AKR1C8: variants seen among roughly 807,000 people sequenced by gnomAD.
AKR1C8 encodes aldo-keto reductase family 1 member C8, also known as aldo-keto reductase family 1 member C-like protein 1.
the AKR1C8 span, chr10:5,161,981 AC>A: frequency 0.29 from 153,532 of 528,572 alleles, 25,168 homozygotes; most frequent in Non-Finnish European, 0.36. Context: ...AGCTGCAGTG[AC>A]CAAAAGAAAC....
the AKR1C8 span, among the ~76,000 whole-genome samples, chr10:5,149,244 T>C: frequency 1.3e-5 from 2 of 152,112 alleles, no homozygotes; most frequent in African/African-American, 4.8e-5. Flanking sequence ...ACAGGTGTAC[T>C]ATAGTTTCTT....
At chr10:5,164,549 T>C in the AKR1C8 span, among the ~76,000 whole-genome samples, 1 of 152,102 alleles carries the variant, frequency 6.6e-6, no homozygotes, top group South Asian at 2.1e-4. Context: ...ACTCTTTACT[T>C]TCATTTCAGA....
the AKR1C8 span, among the ~76,000 whole-genome samples, chr10:5,141,405 G>C: frequency 6.6e-6 from 1 of 152,000 alleles, no homozygotes; most frequent in Non-Finnish European, 1.5e-5. Flanking sequence ...TATTCATGTT[G>C]ATATTTTGAC....
At chr10:5,142,382 A>G in the AKR1C8 span, among the ~76,000 whole-genome samples, 1 of 152,142 alleles carries the variant, frequency 6.6e-6, no homozygotes, top group Non-Finnish European at 1.5e-5. Flanking sequence ...AGTTTCCTTA[A>G]AGAACTTTTC....
At chr10:5,128,274 A>C in the AKR1C8 span, among the ~76,000 whole-genome samples, 1 of 152,186 alleles carries the variant, frequency 6.6e-6, no homozygotes, top group Non-Finnish European at 1.5e-5. Flanking sequence ...AAGGCATGCT[A>C]TAAGGAGTTC....
chr10:5,144,428 G>C, the AKR1C8 span, among the ~76,000 whole-genome samples: 1 of 152,086 alleles, frequency 6.6e-6, no homozygotes, highest in South Asian at 2.1e-4. Context: ...TTGGTAGCTT[G>C]ATGGGGATGG....
the AKR1C8 span, among the ~76,000 whole-genome samples, chr10:5,163,185 C>T: frequency 1.3e-5 from 2 of 152,284 alleles, no homozygotes; most frequent in East Asian, 3.9e-4. Flanking sequence ...GATTAAACTC[C>T]AGTATAACTT....
the AKR1C8 span, among the ~76,000 whole-genome samples, chr10:5,119,880 T>TGA: frequency 1.3e-5 from 2 of 152,186 alleles, no homozygotes; most frequent in Admixed American, 6.5e-5. Flanking sequence ...GAAGGTACAG[T>TGA]GAGGGTTTGC....
the AKR1C8 span, among the ~76,000 whole-genome samples, chr10:5,147,538 A>T: frequency 3.0e-5 from 4 of 134,668 alleles, no homozygotes; most frequent in Non-Finnish European, 4.6e-5. Context: ...AAAATTAACC[A>T]AAAAAAAAAA....
the AKR1C8 span, among the ~76,000 whole-genome samples, chr10:5,171,546 A>G: frequency 6.6e-6 from 1 of 152,064 alleles, no homozygotes; most frequent in Non-Finnish European, 1.5e-5. Flanking sequence ...ATACTTTTAT[A>G]TTAGTGTGCT....
the AKR1C8 span, among the ~76,000 whole-genome samples, chr10:5,172,762 CT>C: frequency 1.1e-4 from 17 of 152,110 alleles, no homozygotes; most frequent in South Asian, 3.5e-3. Flanking sequence ...GTTCCACAGC[CT>C]TTTTTTCTTA....
At chr10:5,166,498 C>T in the AKR1C8 span, among the ~76,000 whole-genome samples, 35,768 of 151,842 alleles carry the variant, frequency 0.24, 4,353 homozygotes, top group African/African-American at 0.25. Context: ...TCTACAACCA[C>T]CTGATCTTTG....
the AKR1C8 span, among the ~76,000 whole-genome samples, chr10:5,143,451 C>T: frequency 1.3e-5 from 2 of 152,066 alleles, no homozygotes; most frequent in Non-Finnish European, 2.9e-5. Context: ...TTGATGACTC[C>T]CCTGATTTCA....
chr10:5,172,614 T>G, the AKR1C8 span, among the ~76,000 whole-genome samples: 1,282 of 152,222 alleles, frequency 8.4e-3, 16 homozygotes, highest in African/African-American at 0.029. Context: ...TTTTGACACC[T>G]TATAGTATTT....
chr10:5,153,777 T>C, the AKR1C8 span, among the ~76,000 whole-genome samples: 2 of 152,090 alleles, frequency 1.3e-5, no homozygotes, highest in African/African-American at 2.4e-5. Flanking sequence ...TCCCACCAGA[T>C]CCCTCCTCCA....
chr10:5,162,807 C>G, the AKR1C8 span: 1 of 466,628 alleles, frequency 2.1e-6, no homozygotes, highest in African/African-American at 2.0e-5. Flanking sequence ...AATAATATAT[C>G]TGAACTTATA....
the AKR1C8 span, among the ~76,000 whole-genome samples, chr10:5,124,871 C>T: frequency 7.9e-5 from 12 of 151,980 alleles, no homozygotes; most frequent in Admixed American, 3.9e-4. Flanking sequence ...CTGCCTACTG[C>T]GGTGTAATTT....
At chr10:5,137,735 C>A in the AKR1C8 span, among the ~76,000 whole-genome samples, 1 of 152,032 alleles carries the variant, frequency 6.6e-6, no homozygotes, top group Non-Finnish European at 1.5e-5. Flanking sequence ...TGTCAGCCAG[C>A]TGAGAAATAA....
the AKR1C8 span, among the ~76,000 whole-genome samples, chr10:5,177,659 C>A: frequency 4.6e-5 from 7 of 152,264 alleles, no homozygotes; most frequent in Admixed American, 4.6e-4. Context: ...ATTTCAGAAC[C>A]TGTTATTGGT....
Sources: gnomAD v4.1 joint callset for allele counts (sites outside exome capture counted in the v4.1 genomes callset) on GRCh38, gnomAD v4.1.1 for gene constraint, MANE v1.5 for transcripts, NCBI Gene and HGNC (gene_info 2026-07-23, HGNC 2026-07-21) for gene names.